ADGRV1: variants seen among roughly 807,000 people sequenced by gnomAD.
The protein encoded by ADGRV1 is G-protein coupled receptor 98.
In ADGRV1, 359 loss-of-function variants were observed where a neutral mutation model predicts 596.2. The observed-to-expected ratio is 0.60, with a 90% CI of 0.55 to 0.66. The LOEUF is 0.66. Ranked by LOEUF, ADGRV1 falls within the 30% of genes least tolerant of loss-of-function variation. The probability of loss-of-function intolerance (pLI) is 0.00; values close to 1 mark genes in which losing one functional copy is unlikely to be tolerated. For missense variants in ADGRV1, 7,274 were observed against 7,575.6 expected (o/e 0.96, Z 1.48); for synonymous variants, 2,681 against 2,679.2 (o/e 1.00, Z -0.02).
At chr5:91,046,762 A>G (rs904929577) in intron 85 of ADGRV1, among the ~76,000 whole-genome samples, 29 of 152,352 alleles carry the variant, frequency 1.9e-4, no homozygotes, top group African/African-American at 5.5e-4. Flanking sequence ...TTCACCATCT[A>G]TACATCTCAC....
chr5:91,031,240 T>C (rs909988739), intron 85 of ADGRV1: 2 of 1,589,954 alleles, frequency 1.3e-6, no homozygotes, highest in Non-Finnish European at 1.7e-6. Flanking sequence ...AAGGGGCTCC[T>C]CAGGTTGCTG....
In ADGRV1 at chr5:90,705,302, A is replaced by C; in HGVS notation, c.8387-98A>C. ...GATTTGTTAGAGAAGTAAATAGAAC[A>C]CTTTTGATTACCTTAATGTTTCAGA... is the stretch of plus-strand genomic sequence containing the variant. On this transcript the variant is annotated intron_variant, in intron 36 of 89. Transcript: ENST00000405460. 6 of 955,862 alleles carry C rather than the reference A, an allele frequency of 6.3e-6. No homozygotes were observed. In the South Asian group the frequency reaches 1.0e-4, roughly 17 times the overall value. The allele number at this position is 955,862 out of a possible 1,614,324, so 59.2% of individuals were successfully genotyped here.
intron 87 of ADGRV1, among the ~76,000 whole-genome samples, chr5:91,126,258 C>G (rs1215736038): frequency 6.6e-6 from 1 of 152,228 alleles, no homozygotes; most frequent in African/African-American, 2.4e-5. Flanking sequence ...CACAAATTCT[C>G]TCAATGTAGG....
chr5:90,721,085 A>G lies in ADGRV1; in HGVS notation c.9748+26A>G, dbSNP rs751478846. On this transcript the variant is annotated intron_variant, in intron 45 of 89. Transcript: ENST00000405460. ...GTATGTTTCATTTCTTATGAGAACA[A>G]AATTCTGTAACGAAAAAATATTGCA... 5.6e-6 allele frequency: 9 copies of G among 1,598,662 alleles called. No individual in the cohort carries two copies. The Admixed American group carries it at 6.8e-5, about 12-fold the overall frequency.
intron 34 of ADGRV1, among the ~76,000 whole-genome samples, chr5:90,701,121 C>A (rs573684737): frequency 6.6e-6 from 1 of 152,060 alleles, no homozygotes; most frequent in Admixed American, 6.5e-5. Flanking sequence ...TCAAGATGAT[C>A]GTCCAGTTAT....
intron 85 of ADGRV1, among the ~76,000 whole-genome samples, chr5:91,024,862 C>T (rs184811893): frequency 6.6e-6 from 1 of 152,262 alleles, no homozygotes; most frequent in East Asian, 1.9e-4. Flanking sequence ...ATGCAATAGC[C>T]TTGGCAACAA....
chr5:90,930,824 A>G (rs955130522), intron 83 of ADGRV1, among the ~76,000 whole-genome samples: 1 of 152,188 alleles, frequency 6.6e-6, no homozygotes, highest in African/African-American at 2.4e-5. Context: ...CTCTCACAAT[A>G]TGAGAGCCTG....
At chr5:90,878,764 A>G (rs2150530785) in intron 83 of ADGRV1, among the ~76,000 whole-genome samples, 1 of 152,324 alleles carries the variant, frequency 6.6e-6, no homozygotes, top group Admixed American at 6.5e-5. Context: ...ATATGAAAGG[A>G]GGGCAAATCA....
chr5:90,719,567 A>C (rs965326911), intron 43 of ADGRV1, among the ~76,000 whole-genome samples: 8 of 152,106 alleles, frequency 5.3e-5, no homozygotes, highest in Non-Finnish European at 8.8e-5. Context: ...TGCATGCATC[A>C]GTAGTTGGAC....
chr5:91,116,288 T>C (rs1030695926), intron 87 of ADGRV1, among the ~76,000 whole-genome samples: 2 of 152,214 alleles, frequency 1.3e-5, no homozygotes, highest in Non-Finnish European at 2.9e-5. Flanking sequence ...TGAAAATACC[T>C]TGAAATACAA....
intron 86 of ADGRV1, among the ~76,000 whole-genome samples, chr5:91,090,300 T>G (rs1444218236): frequency 6.6e-6 from 1 of 152,170 alleles, no homozygotes; most frequent in African/African-American, 2.4e-5. Flanking sequence ...GAGGTCTGTG[T>G]GGGTATGTCT....
intron 83 of ADGRV1, among the ~76,000 whole-genome samples, chr5:90,917,693 A>G (rs1388305631): frequency 2.0e-5 from 3 of 152,130 alleles, no homozygotes. Flanking sequence ...CTAGAGTCTC[A>G]TTTTGTATTG....
chr5:90,595,999 G>T (rs1301427250), intron 1 of ADGRV1, among the ~76,000 whole-genome samples: 5 of 150,116 alleles, frequency 3.3e-5, no homozygotes, highest in African/African-American at 1.2e-4. Flanking sequence ...CAGACGGGGC[G>T]GCTGCCGGGC....
intron 9 of ADGRV1, 134 bp from the exon 10 acceptor site, chr5:90,634,980 A>G: frequency 1.7e-6 from 1 of 590,226 alleles, no homozygotes; most frequent in Non-Finnish European, 3.0e-6. Context: ...TGAATGAGAG[A>G]GGAGGAGAAT....
intron 83 of ADGRV1, among the ~76,000 whole-genome samples, chr5:90,959,259 A>G (rs958273713): frequency 2.0e-5 from 3 of 152,180 alleles, no homozygotes; most frequent in African/African-American, 7.2e-5. Flanking sequence ...TCAAACATAT[A>G]AAAGAATTAG....
At chr5:90,932,886 G>C (rs1050772304) in intron 83 of ADGRV1, among the ~76,000 whole-genome samples, 1 of 151,994 alleles carries the variant, frequency 6.6e-6, no homozygotes, top group Non-Finnish European at 1.5e-5. Flanking sequence ...TGTATAAAAA[G>C]GACACTTGCT....
intron 85 of ADGRV1, among the ~76,000 whole-genome samples, chr5:91,065,538 A>T (rs1197425105): frequency 1.3e-5 from 2 of 152,194 alleles, no homozygotes; most frequent in Non-Finnish European, 2.9e-5. Context: ...AGTTCCCAGC[A>T]TCCATTCCAG....
At chr5:90,789,968 G>T in intron 69 of ADGRV1, 117 bp downstream of exon 69, 2 of 636,896 alleles carry the variant, frequency 3.1e-6, no homozygotes. Context: ...AAAGTTACGT[G>T]AGTTTTCAGA....
In ADGRV1 at chr5:90,683,759, A is replaced by G. The variant is rs746586068; in HGVS notation, c.5838A>G (p.Ala1946=). The change falls in exon 28 of 90, where the codon GCA becomes GCG. Residue 1946 remains alanine (A), a synonymous_variant. Coordinates refer to ENST00000405460, the MANE Select transcript of ADGRV1 (RefSeq NM_032119.4). ...LPDEDPELDK[A]FSVSVLSVSS... ...ACGAAGACCCAGAACTGGATAAGGCATTCTCTGTGTCAGTCCTCAGTGTTT... is the reference window on the plus strand; with the variant it reads ...ACGAAGACCCAGAACTGGATAAGGCGTTCTCTGTGTCAGTCCTCAGTGTTT... 5.9e-5 allele frequency: 96 copies of G among 1,613,772 alleles called. No individual in the cohort carries two copies. The highest frequency in any genetic ancestry group is 7.9e-5 in the Non-Finnish European group (93 of 1,179,876).
Sources: gnomAD v4.1 joint callset for allele counts (sites outside exome capture counted in the v4.1 genomes callset) on GRCh38, gnomAD v4.1.1 for gene constraint, MANE v1.5 for transcripts, NCBI Gene and HGNC (gene_info 2026-07-23, HGNC 2026-07-21) for gene names.